DNAH7: variants seen among roughly 807,000 people sequenced by gnomAD.
DNAH7 encodes the protein dynein axonemal heavy chain 7.
DNAH7 carries 397 observed loss-of-function variants against 444.6 expected under a neutral mutation model. That is an observed-to-expected ratio of 0.89 (90% CI 0.82 to 0.97). The LOEUF (loss-of-function observed/expected upper bound fraction) is 0.97, where lower values mean the gene tolerates loss of function less well. Among genes scored for constraint, DNAH7 ranks in the 50% least tolerant of loss-of-function variants. The pLI is 0.00. For missense variants in DNAH7, 4,902 were observed against 4,800.8 expected, an observed-to-expected ratio of 1.02 and a Z score of -0.62; for synonymous variants, 1,636 against 1,624.4, an observed-to-expected ratio of 1.01 and a Z score of -0.17.
At chr2:196,054,852 G>A (rs1441555213) in intron 2 of DNAH7, among the ~76,000 whole-genome samples, 2 of 152,084 alleles carry the variant, frequency 1.3e-5, no homozygotes, top group Non-Finnish European at 2.9e-5. Context: ...CTTGTCTCCT[G>A]CCACCATGTG....
rs769722754 is a variant in DNAH7 at position 195,960,289 on chromosome 2, A to G, written c.2862T>C (p.Pro954=). The change falls in exon 18 of 65, where the codon CCT becomes CCC. Residue 954 remains proline, a synonymous_variant. Coordinates refer to ENST00000312428, the MANE Select transcript of DNAH7 (RefSeq NM_018897.3). ...TTTGTTTTTCATAAGGCTTAATGAA[A>G]GGAGATCCTCGCATAGTTTGTGTTT... ...IIKTQTMRGS[P]FIKPYEKQMR... is the part of the protein sequence containing the mutation. 1.2e-6 allele frequency: 2 copies of G among 1,612,490 alleles called. No homozygotes were observed. Among genetic ancestry groups the G allele is most frequent in the Non-Finnish European group, 1.7e-6 (2 of 1,179,316 alleles).
At chr2:195,955,623 T>C (rs1262840203) in intron 19 of DNAH7, among the ~76,000 whole-genome samples, 1 of 152,090 alleles carries the variant, frequency 6.6e-6, no homozygotes, top group African/African-American at 2.4e-5. Context: ...AGGATAAAAA[T>C]TTGCCTCCTT....
chr2:195,745,318 AGAAAT>A lies in DNAH7; in HGVS notation c.11765-4454_11765-4450del, dbSNP rs1432990685. Reference sequence around the variant, plus strand: ...GAAGTTTAGAGAAAAAAGAATAAAAAGAAATGAACAAAGCCTCCAAGAAATATGGG... The same window carrying A: ...GAAGTTTAGAGAAAAAAGAATAAAAAGAACAAAGCCTCCAAGAAATATGGG... On this transcript the variant is annotated intron_variant, in intron 63 of 64. Transcript: ENST00000312428. Among the ~76,000 whole-genome samples the A allele has an allele frequency of 2.0e-5, 3 of 152,346 alleles. No homozygotes were observed. The East Asian group carries it at 5.8e-4, about 29-fold the overall frequency.
At chr2:196,014,395 G>A (rs1694891290) in intron 9 of DNAH7, among the ~76,000 whole-genome samples, 1 of 152,062 alleles carries the variant, frequency 6.6e-6, no homozygotes, top group African/African-American at 2.4e-5. Flanking sequence ...GAACCGAACA[G>A]CTCCAAATCA....
At chr2:195,908,195 A>G (rs1687151362) in intron 25 of DNAH7, among the ~76,000 whole-genome samples, 1 of 152,004 alleles carries the variant, frequency 6.6e-6, no homozygotes, top group South Asian at 2.1e-4. Context: ...CTGCATGTAG[A>G]ATTCTTTAGT....
At chr2:196,028,408 T>C (rs975977887) in intron 5 of DNAH7, among the ~76,000 whole-genome samples, 5 of 152,162 alleles carry the variant, frequency 3.3e-5, no homozygotes, top group African/African-American at 1.2e-4. Flanking sequence ...AGATATGAGT[T>C]TTAAAAAGAA....
Position 195,865,035 on chromosome 2 carries a change from A to T in DNAH7, c.6634-14T>A, listed in dbSNP as rs549058669. On this transcript the variant is annotated splice_polypyrimidine_tract_variant and intron_variant, in intron 40 of 64. Coordinates refer to ENST00000312428, the MANE Select transcript of DNAH7 (RefSeq NM_018897.3). ...CACTCGAAGGACCTGTATAATAATT[A>T]AAAAGCAGCTTTAGAAACTTTCTTC... The T allele has an allele frequency of 5.2e-6, 8 of 1,544,834 alleles. No individual in the cohort carries two copies. In the African/African-American group the frequency reaches 8.3e-5, roughly 16 times the overall value.
At chr2:195,809,101 A>T (rs1696841146) in intron 52 of DNAH7, among the ~76,000 whole-genome samples, 1 of 152,180 alleles carries the variant, frequency 6.6e-6, no homozygotes, top group African/African-American at 2.4e-5. Context: ...CTTTTTGACA[A>T]TTTTCCTCCA....
At chr2:195,836,561 A>T (rs529780608) in intron 47 of DNAH7, among the ~76,000 whole-genome samples, 9 of 152,194 alleles carry the variant, frequency 5.9e-5, no homozygotes, top group African/African-American at 2.2e-4. Context: ...GCTTCAACAT[A>T]AAAATTTGGT....
intron 58 of DNAH7, among the ~76,000 whole-genome samples, chr2:195,785,739 T>C (rs1261496222): frequency 1.3e-5 from 2 of 152,174 alleles, no homozygotes; most frequent in African/African-American, 2.4e-5. Context: ...CAGTCTCGCA[T>C]ACCTGCATAC....
intron 20 of DNAH7, among the ~76,000 whole-genome samples, chr2:195,935,759 T>C (rs565841219): frequency 1.3e-5 from 2 of 152,220 alleles, no homozygotes; most frequent in East Asian, 3.9e-4. Flanking sequence ...AGGGCCTCCC[T>C]GAATGACAGA....
At chr2:195,760,974 A>C (rs879401260) in intron 61 of DNAH7, among the ~76,000 whole-genome samples, 1 of 152,172 alleles carries the variant, frequency 6.6e-6, no homozygotes, top group Non-Finnish European at 1.5e-5. Context: ...TTCATAAAAC[A>C]TGACCTTACC....
intron 31 of DNAH7, among the ~76,000 whole-genome samples, chr2:195,890,672 C>A (rs1255009814): frequency 1.3e-5 from 2 of 152,142 alleles, no homozygotes; most frequent in African/African-American, 4.8e-5. Flanking sequence ...TTTCTTTTAT[C>A]CTTGAAATTA....
intron 29 of DNAH7, among the ~76,000 whole-genome samples, 191 bp from the exon 30 acceptor site, chr2:195,895,415 T>C (rs1366771598): frequency 1.3e-5 from 2 of 152,186 alleles, no homozygotes; most frequent in East Asian, 1.9e-4. Flanking sequence ...GTGATCCTTA[T>C]GATGTTCGTT....
At chr2:195,929,098 A>C (rs989205162) in intron 21 of DNAH7, among the ~76,000 whole-genome samples, 4 of 152,194 alleles carry the variant, frequency 2.6e-5, no homozygotes, top group Non-Finnish European at 5.9e-5. Flanking sequence ...CTGAGAGCCA[A>C]ATCAAGAATG....
At chr2:195,753,667 A>T (rs1693922381) in intron 63 of DNAH7, among the ~76,000 whole-genome samples, 1 of 152,220 alleles carries the variant, frequency 6.6e-6, no homozygotes, top group African/African-American at 2.4e-5. Flanking sequence ...AAATTCTGGA[A>T]TCTGTAGCAT....
Position 195,892,172 on chromosome 2 carries a change from T to C in DNAH7, c.4897-368A>G, listed in dbSNP as rs912414425. 2.6e-5 allele frequency among the ~76,000 whole-genome samples: 4 copies of C among 152,206 alleles called. No homozygotes were observed. The East Asian group carries it at 5.8e-4, about 22-fold the overall frequency. On this transcript the variant is annotated intron_variant, in intron 30 of 64. Coordinates refer to ENST00000312428, the MANE Select transcript of DNAH7 (RefSeq NM_018897.3). ...TATTATATAGGCTTTGCAAGTTTCA[T>C]ATCATCTGCCACATATTCTTCTATG...
At chr2:195,815,986 C>T (rs905962555) in intron 51 of DNAH7, among the ~76,000 whole-genome samples, 6 of 152,080 alleles carry the variant, frequency 3.9e-5, no homozygotes, top group East Asian at 3.8e-4. Flanking sequence ...AGTGAGCCTC[C>T]GTCTCAAAAC....
intron 47 of DNAH7, among the ~76,000 whole-genome samples, chr2:195,839,158 TCATA>T (rs965991590): frequency 1.8e-3 from 268 of 151,690 alleles, no homozygotes; most frequent in African/African-American, 6.3e-3. Context: ...ACAACTGGAA[TCATA>T]CAATGATAGT....
Sources: allele counts gnomAD v4.1 joint callset (sites outside exome capture counted in the v4.1 genomes callset), GRCh38; gene constraint gnomAD v4.1.1; transcripts MANE v1.5; gene names NCBI Gene and HGNC (gene_info 2026-07-23, HGNC 2026-07-21).